Variants in SLCO1B3 observed in about 807,000 individuals in gnomAD.
SLCO1B3 encodes the protein liver-specific organic anion transporter 2.
In SLCO1B3, 72 loss-of-function variants were observed where a neutral mutation model predicts 71.8. The ratio of observed to expected loss-of-function variants is 1.00; its 90% CI spans 0.83 to 1.22. The LOEUF is 1.22. Ranked by LOEUF, SLCO1B3 falls within the 50% of genes most tolerant of loss-of-function variation. The pLI, the probability that SLCO1B3 is intolerant of heterozygous loss-of-function variation, is 0.00. For synonymous variants in SLCO1B3, 298 were observed against 278.4 expected, an observed-to-expected ratio of 1.07 and a Z score of -0.70; for missense variants, 911 against 819.7, an observed-to-expected ratio of 1.11 and a Z score of -1.36.
chr12:20,872,259 G>A (rs1353547227), intron 8 of SLCO1B3, among the ~76,000 whole-genome samples: 1 of 151,720 alleles, frequency 6.6e-6, no homozygotes, highest in Non-Finnish European at 1.5e-5. Context: ...AATGCTGCCA[G>A]GTCTCAGAGA....
chr12:20,866,088 A>C (rs1865369143), intron 8 of SLCO1B3, among the ~76,000 whole-genome samples: 1 of 152,118 alleles, frequency 6.6e-6, no homozygotes, highest in Non-Finnish European at 1.5e-5. Context: ...CATCCTGTTA[A>C]GTGCTGTAAC....
At chr12:20,907,590 C>T (rs919291516) in intron 15 of SLCO1B3, among the ~76,000 whole-genome samples, 44 of 150,734 alleles carry the variant, frequency 2.9e-4, no homozygotes, top group African/African-American at 1.0e-3. Flanking sequence ...CTCACTGCAA[C>T]CTCCGACTCC....
intron 9 of SLCO1B3, 151 bp downstream of exon 9, chr12:20,875,628 TA>T: frequency 1.2e-6 from 1 of 823,704 alleles, no homozygotes; most frequent in Non-Finnish European, 1.8e-6. Flanking sequence ...AAACTCCTAT[TA>T]AAATTAACAA....
intron 2 of SLCO1B3, among the ~76,000 whole-genome samples, chr12:20,814,098 C>G (rs191808410): frequency 5.9e-4 from 89 of 152,034 alleles, no homozygotes; most frequent in African/African-American, 2.1e-3. Context: ...TAACATATAC[C>G]TATATCTATG....
At chr12:20,869,195 T>TGG in intron 8 of SLCO1B3, among the ~76,000 whole-genome samples, 1 of 16,866 alleles carries the variant, frequency 5.9e-5, no homozygotes, top group Non-Finnish European at 6.5e-4. Context: ...CCTTGACACT[T>TGG]CTTGCTACCG....
At chr12:20,846,316 C>T (rs1007996888) in intron 3 of SLCO1B3, among the ~76,000 whole-genome samples, 2 of 152,152 alleles carry the variant, frequency 1.3e-5, no homozygotes, top group African/African-American at 2.4e-5. Flanking sequence ...TGGACCTTCA[C>T]ATGTGGATAA....
intron 3 of SLCO1B3, among the ~76,000 whole-genome samples, chr12:20,820,378 G>T (rs930115332): frequency 3.9e-5 from 6 of 152,242 alleles, no homozygotes; most frequent in African/African-American, 1.4e-4. Flanking sequence ...ATTTCCACTG[G>T]GGTCCCACAC....
chr12:20,862,596 C>A, intron 7 of SLCO1B3, 38 bp downstream of exon 7: 1 of 1,543,806 alleles, frequency 6.5e-7, no homozygotes, highest in Non-Finnish European at 8.8e-7. Flanking sequence ...TGATTACATT[C>A]CCTGGATCTA....
intron 8 of SLCO1B3, among the ~76,000 whole-genome samples, chr12:20,871,179 G>A (rs181300341): frequency 2.0e-5 from 3 of 152,198 alleles, no homozygotes; most frequent in East Asian, 3.9e-4. Flanking sequence ...TGGTATCAGG[G>A]TAATATTGGC....
intron 8 of SLCO1B3, among the ~76,000 whole-genome samples, chr12:20,864,252 CAT>C (rs1865328449): frequency 6.6e-6 from 1 of 151,870 alleles, no homozygotes; most frequent in Non-Finnish European, 1.5e-5. Flanking sequence ...TCATCAAGAG[CAT>C]GCCTTTATTG....
intron 3 of SLCO1B3, among the ~76,000 whole-genome samples, chr12:20,839,766 A>T (rs900152736): frequency 1.3e-5 from 2 of 151,852 alleles, no homozygotes; most frequent in Non-Finnish European, 2.9e-5. Flanking sequence ...TTCATATTCT[A>T]TTTTTGGGGT....
chr12:20,890,115 C>T (rs985715215), intron 13 of SLCO1B3, among the ~76,000 whole-genome samples: 27 of 151,616 alleles, frequency 1.8e-4, no homozygotes, highest in African/African-American at 6.5e-4. Context: ...GACGGGGTTT[C>T]ACCATGTTGG....
At chr12:20,831,426 T>C (rs1174602943) in intron 3 of SLCO1B3, among the ~76,000 whole-genome samples, 1 of 149,786 alleles carries the variant, frequency 6.7e-6, no homozygotes, top group Non-Finnish European at 1.5e-5. Flanking sequence ...AAACCATTGC[T>C]AAATTGATTA....
intron 3 of SLCO1B3, among the ~76,000 whole-genome samples, chr12:20,844,784 C>T (rs993122436): frequency 1.2e-4 from 18 of 151,900 alleles, no homozygotes; most frequent in South Asian, 2.1e-4. Flanking sequence ...AATCCCAGCA[C>T]TTTGGGAGGC....
At chr12:20,820,836 T>C (rs1423024970) in intron 3 of SLCO1B3, among the ~76,000 whole-genome samples, 3 of 152,090 alleles carry the variant, frequency 2.0e-5, no homozygotes, top group Admixed American at 2.0e-4. Flanking sequence ...GCCTAAACGC[T>C]TCTGATTTGG....
intron 3 of SLCO1B3, among the ~76,000 whole-genome samples, chr12:20,821,260 T>C (rs1454850768): frequency 6.6e-6 from 1 of 152,242 alleles, no homozygotes; most frequent in African/African-American, 2.4e-5. Flanking sequence ...ACAAGAATTA[T>C]TTAGGTCTTG....
rs377186098 is a variant in SLCO1B3, at chr12:20,822,258, A to G, written c.84+6436A>G. Among the ~76,000 whole-genome samples, 173 of 152,240 alleles carry G rather than the reference A, an allele frequency of 1.1e-3. 4 individuals are homozygous for G. In the South Asian group the frequency reaches 0.033, roughly 29 times the overall value. ...CAATAAAGCTGTTTATTTCACCTGG[A>G]TGCGGTTGGGCTGAGTCCGAAAAGA... is the stretch of plus-strand genomic sequence containing the variant. On this transcript the variant is annotated intron_variant, in intron 3 of 15. Transcript: ENST00000381545.
intron 14 of SLCO1B3, among the ~76,000 whole-genome samples, chr12:20,900,607 A>G (rs982311066): frequency 9.2e-5 from 14 of 152,212 alleles, no homozygotes; most frequent in Non-Finnish European, 1.8e-4. Context: ...TATATGCACC[A>G]TTGTGCACTA....
At chr12:20,880,163 T>C (rs1865661928) in intron 11 of SLCO1B3, among the ~76,000 whole-genome samples, 1 of 151,392 alleles carries the variant, frequency 6.6e-6, no homozygotes, top group Admixed American at 6.6e-5. Context: ...ACAAATAACA[T>C]TTTATAATTT....
Sources: gnomAD v4.1 joint callset for allele counts (sites outside exome capture counted in the v4.1 genomes callset) on GRCh38, gnomAD v4.1.1 for gene constraint, MANE v1.5 for transcripts, NCBI Gene and HGNC (gene_info 2026-07-23, HGNC 2026-07-21) for gene names.